The following CCSER1 variants were observed in gnomAD, a reference collection of about 807,000 sequenced individuals.
The protein encoded by CCSER1 is coiled-coil serine rich protein 1.
Under a neutral mutation model 82.0 loss-of-function variants are expected in CCSER1, and 41 were observed. That is an observed-to-expected ratio of 0.50 (90% confidence interval 0.39 to 0.65). The LOEUF is 0.65. CCSER1 is among the 30% of genes least tolerant of loss of function. CCSER1 has a pLI of 0.00. For synonymous variants in CCSER1, 414 were observed against 383.9 expected, an observed-to-expected ratio of 1.08 and a Z score of -0.92; for missense variants, 1,119 against 1,064.2, an observed-to-expected ratio of 1.05 and a Z score of -0.72.
At chr4:90,766,608 C>T (rs1751273554) in intron 7 of CCSER1, among the ~76,000 whole-genome samples, 1 of 151,998 alleles carries the variant, frequency 6.6e-6, no homozygotes, top group Non-Finnish European at 1.5e-5. Context: ...CATGCCACTG[C>T]TGGGTGACAA....
intron 10 of CCSER1, among the ~76,000 whole-genome samples, chr4:91,521,691 C>T (rs908119236): frequency 2.4e-4 from 37 of 152,020 alleles, no homozygotes; most frequent in African/African-American, 8.5e-4. Flanking sequence ...TTGAGAAATG[C>T]CTGTTCATAT....
At chr4:91,415,637 C>T (rs1311161748) in intron 10 of CCSER1, among the ~76,000 whole-genome samples, 8 of 152,066 alleles carry the variant, frequency 5.3e-5, no homozygotes, top group Admixed American at 2.0e-4. Flanking sequence ...TGAATATTAT[C>T]GAAGGCCTTT....
chr4:91,084,145 T>C (rs1723115545), intron 9 of CCSER1, among the ~76,000 whole-genome samples: 1 of 152,132 alleles, frequency 6.6e-6, no homozygotes, highest in African/African-American at 2.4e-5. Flanking sequence ...TTGGCCAGGC[T>C]GGTCTTGAGC....
chr4:91,134,054 G>A (rs554755961), intron 10 of CCSER1, among the ~76,000 whole-genome samples: 50 of 152,246 alleles, frequency 3.3e-4, no homozygotes, highest in Admixed American at 3.1e-3. Context: ...AGCCGAGATC[G>A]TGCCACTGCA....
chr4:90,272,069 G>A (rs565663372), intron 1 of CCSER1, among the ~76,000 whole-genome samples: 1 of 150,980 alleles, frequency 6.6e-6, no homozygotes, highest in Non-Finnish European at 1.5e-5. Context: ...TCACTGTCAC[G>A]ACAACAGCGT....
intron 10 of CCSER1, among the ~76,000 whole-genome samples, chr4:91,466,334 G>A (rs1386431084): frequency 6.6e-6 from 1 of 152,072 alleles, no homozygotes; most frequent in Non-Finnish European, 1.5e-5. Flanking sequence ...CAATAAATTA[G>A]GTATTGATGG....
intron 9 of CCSER1, among the ~76,000 whole-genome samples, chr4:91,065,644 T>TA (rs1280025897): frequency 6.6e-6 from 1 of 152,010 alleles, no homozygotes; most frequent in Non-Finnish European, 1.5e-5. Flanking sequence ...TAAAGGACAA[T>TA]AAAAAAATTA....
At chr4:91,001,645 C>T (rs890589376) in intron 9 of CCSER1, among the ~76,000 whole-genome samples, 12 of 152,062 alleles carry the variant, frequency 7.9e-5, no homozygotes, top group African/African-American at 2.7e-4. Context: ...TTATTTGAGT[C>T]CCTACGTGTT....
intron 5 of CCSER1, among the ~76,000 whole-genome samples, chr4:90,493,318 G>C (rs1409971341): frequency 6.6e-6 from 1 of 152,128 alleles, no homozygotes; most frequent in East Asian, 1.9e-4. Context: ...GGGGAGAATG[G>C]AACCAAGTTG....
chr4:90,253,584 C>G (rs1262124309), intron 1 of CCSER1, among the ~76,000 whole-genome samples: 1 of 152,060 alleles, frequency 6.6e-6, no homozygotes, highest in African/African-American at 2.4e-5. Flanking sequence ...TAATATGTGA[C>G]AAACCATTTT....
intron 4 of CCSER1, among the ~76,000 whole-genome samples, chr4:90,417,377 ATAT>A (rs1172294934): frequency 2.0e-5 from 3 of 152,120 alleles, no homozygotes; most frequent in Non-Finnish European, 4.4e-5. Context: ...TTAACCATTA[ATAT>A]TAACCATTAA....
intron 10 of CCSER1, among the ~76,000 whole-genome samples, chr4:91,413,598 C>A (rs1055137857): frequency 6.6e-6 from 1 of 151,810 alleles, no homozygotes; most frequent in African/African-American, 2.4e-5. Flanking sequence ...TAAGAGCATC[C>A]TAGAAGGAGA....
chr4:90,481,258 T>A (rs143697677), intron 5 of CCSER1, among the ~76,000 whole-genome samples: 2,360 of 152,260 alleles, frequency 0.015, 40 homozygotes, highest in African/African-American at 0.045. Context: ...TATCAGCTTA[T>A]GGAGATTTTG....
In CCSER1 at chr4:91,515,079, T is replaced by C. The variant is rs76150648; in HGVS notation, c.2218-83493T>C. On this transcript the variant is annotated intron_variant, in intron 10 of 10. Transcript: ENST00000509176. ...TATGTGACCCAGTTACATTGTCAAA[T>C]ATATTTAACTATCACATATGGTATT... Among the ~76,000 whole-genome samples, 528 of 152,296 alleles carry C rather than the reference T, an allele frequency of 3.5e-3. 2 individuals are homozygous for C. Among genetic ancestry groups the C allele is most frequent in the African/African-American group, 0.012 (497 of 41,564 alleles).
chr4:91,213,134 C>T (rs1285434230), intron 10 of CCSER1, among the ~76,000 whole-genome samples: 1 of 151,940 alleles, frequency 6.6e-6, no homozygotes, highest in African/African-American at 2.4e-5. Flanking sequence ...AAATCTAATC[C>T]ACTGTTTATG....
intron 3 of CCSER1, among the ~76,000 whole-genome samples, chr4:90,329,095 G>C (rs1472210893): frequency 6.6e-6 from 1 of 152,068 alleles, no homozygotes; most frequent in Non-Finnish European, 1.5e-5. Flanking sequence ...AAATAAAAGT[G>C]CATTGTTTAA....
chr4:90,724,671 A>G, intron 7 of CCSER1: 3 of 384,424 alleles, frequency 7.8e-6, no homozygotes, highest in South Asian at 4.1e-5. Context: ...AATAAAAACA[A>G]TTCTTAAGAG....
At chr4:91,411,484 A>G (rs1432116664) in intron 10 of CCSER1, among the ~76,000 whole-genome samples, 1 of 48,434 alleles carries the variant, frequency 2.1e-5, no homozygotes, top group Non-Finnish European at 4.5e-5. Flanking sequence ...AAATTTCTGC[A>G]TATATACATA....
chr4:91,288,812 G>GT (rs1265194604), intron 10 of CCSER1, among the ~76,000 whole-genome samples: 2 of 152,010 alleles, frequency 1.3e-5, no homozygotes, highest in Non-Finnish European at 2.9e-5. Flanking sequence ...AAAAATACAT[G>GT]ATGGGCCTAG....
Sources: gnomAD v4.1 joint callset for allele counts (sites outside exome capture counted in the v4.1 genomes callset) on GRCh38, gnomAD v4.1.1 for gene constraint, MANE v1.5 for transcripts, NCBI Gene and HGNC (gene_info 2026-07-23, HGNC 2026-07-21) for gene names.